The following RGS6 variants were observed in gnomAD, a reference collection of about 807,000 sequenced individuals.
RGS6 encodes regulator of G protein signaling 6.
A neutral mutation model predicts 78.5 loss-of-function variants in RGS6; 30 were observed. That is an observed-to-expected ratio of 0.38 (90% CI 0.29 to 0.52). RGS6 has a LOEUF of 0.52. Among genes scored for constraint, RGS6 ranks in the 20% least tolerant of loss-of-function variants. RGS6 has a pLI of 0.85. For synonymous variants in RGS6, 206 were observed against 206.0 expected, an observed-to-expected ratio of 1.00 and a Z score of 0.00; for missense variants, 495 against 609.7, an observed-to-expected ratio of 0.81 and a Z score of 1.98.
Position 72,431,056 on chromosome 14 carries a change from T to C in RGS6, c.185-23472T>C, listed in dbSNP as rs568549604. On this transcript the variant is annotated intron_variant, in intron 3 of 17. Transcript: ENST00000553525. ...GAATAATGGGTATGCAAGTGTTGCA[T>C]CACACATGCAGCAAACATTTATTAA... Among the ~76,000 whole-genome samples, 512 of 152,276 alleles carry C rather than the reference T, an allele frequency of 3.4e-3. 4 individuals are homozygous for C. The highest frequency in any genetic ancestry group is 0.012 in the African/African-American group (490 of 41,548).
At chr14:72,317,557 G>C (rs1486823347) in intron 2 of RGS6, among the ~76,000 whole-genome samples, 1 of 152,072 alleles carries the variant, frequency 6.6e-6, no homozygotes, top group African/African-American at 2.4e-5. Flanking sequence ...ACATTCTTAG[G>C]GGCTCGAAGG....
At chr14:71,902,668 T>C in the RGS6 span, among the ~76,000 whole-genome samples, 1 of 151,780 alleles carries the variant, frequency 6.6e-6, no homozygotes, top group Admixed American at 6.6e-5. Context: ...GTTAGAGAAA[T>C]AGAAAGAAGA....
chr14:72,275,538 T>C (rs1349145514), intron 2 of RGS6, among the ~76,000 whole-genome samples: 1 of 152,198 alleles, frequency 6.6e-6, no homozygotes, highest in African/African-American at 2.4e-5. Flanking sequence ...TTATGTAGCA[T>C]AGGGAATCAA....
chr14:72,415,301 CA>C (rs2153076435), intron 3 of RGS6, among the ~76,000 whole-genome samples: 1 of 149,296 alleles, frequency 6.7e-6, no homozygotes. Context: ...GCTGTGCTAG[CA>C]ATGAGCGAAG....
intron 2 of RGS6, among the ~76,000 whole-genome samples, chr14:72,331,618 CCTCTCT>C (rs149801430): frequency 7.3e-5 from 11 of 150,130 alleles, no homozygotes; most frequent in African/African-American, 2.7e-4. Context: ...GTGTCATCAT[CCTCTCT>C]CTCTCTCTCT....
At chr14:71,993,528 T>C (rs1595804518) in intron 2 of RGS6, among the ~76,000 whole-genome samples, 2 of 152,226 alleles carry the variant, frequency 1.3e-5, no homozygotes, top group African/African-American at 4.8e-5. Context: ...GTCATAGATA[T>C]TGTTGTTATC....
intron 3 of RGS6, among the ~76,000 whole-genome samples, chr14:72,431,525 ATTTATTTTAT>A (rs56081815): frequency 0.36 from 52,759 of 147,444 alleles, 9,626 homozygotes; most frequent in Admixed American, 0.46. Context: ...ATTTTGTTTT[ATTTATTTTAT>A]TTTATTTTAT....
chr14:72,300,918 G>C (rs1485952236), intron 2 of RGS6, among the ~76,000 whole-genome samples: 5 of 152,180 alleles, frequency 3.3e-5, no homozygotes, highest in East Asian at 3.8e-4. Context: ...TACTAAATGG[G>C]TATTAAATGA....
chr14:72,037,253 G>A (rs2091843186), intron 2 of RGS6, among the ~76,000 whole-genome samples: 1 of 152,192 alleles, frequency 6.6e-6, no homozygotes. Context: ...GCCAGCAGCA[G>A]CAACCTGCTC....
chr14:72,027,871 T>C lies in RGS6; in HGVS notation c.84+62996T>C, dbSNP rs551019442. On this transcript the variant is annotated intron_variant, in intron 2 of 17. Coordinates refer to ENST00000553525, the MANE Select transcript of RGS6 (RefSeq NM_001204424.2). ...ACTGGAATAGGCTTCCTTTTATCTC[T>C]TTTGCACAGTTGTGTCTTCGGTGAG... 9.2e-5 allele frequency among the ~76,000 whole-genome samples: 14 copies of C among 152,338 alleles called. No individual in the cohort carries two copies. In the South Asian group the frequency reaches 2.5e-3, roughly 27 times the overall value.
At chr14:71,965,369 G>A (rs1374280806) in intron 2 of RGS6, among the ~76,000 whole-genome samples, 1 of 152,350 alleles carries the variant, frequency 6.6e-6, no homozygotes, top group East Asian at 1.9e-4. Flanking sequence ...TTCAGAGGAG[G>A]AGGCCAGTTC....
intron 2 of RGS6, among the ~76,000 whole-genome samples, chr14:71,992,599 C>A (rs571335387): frequency 6.6e-6 from 1 of 152,314 alleles, no homozygotes; most frequent in African/African-American, 2.4e-5. Context: ...ATAGAAAACT[C>A]AAAATTTAAA....
At chr14:72,446,231 G>A (rs996595939) in intron 3 of RGS6, among the ~76,000 whole-genome samples, 5 of 152,164 alleles carry the variant, frequency 3.3e-5, no homozygotes, top group African/African-American at 1.2e-4. Flanking sequence ...CTGGATCTTA[G>A]CTGTCTGGCC....
At chr14:72,171,045 T>A (rs762267323) in intron 2 of RGS6, among the ~76,000 whole-genome samples, 2 of 152,182 alleles carry the variant, frequency 1.3e-5, no homozygotes, top group Non-Finnish European at 2.9e-5. Flanking sequence ...GCTTATCGGT[T>A]TAAATTGTGC....
At chr14:72,033,358 C>T (rs566610764) in intron 2 of RGS6, among the ~76,000 whole-genome samples, 67 of 152,174 alleles carry the variant, frequency 4.4e-4, no homozygotes, top group African/African-American at 1.4e-3. Context: ...CTCAACCTCC[C>T]GAGTAGCTGG....
intron 2 of RGS6, among the ~76,000 whole-genome samples, chr14:72,237,795 C>T (rs141516338): frequency 1.3e-5 from 2 of 152,228 alleles, no homozygotes; most frequent in East Asian, 3.9e-4. Context: ...AAGAATGAAC[C>T]CCGTACTGGT....
At chr14:72,103,117 C>T (rs2095560755) in intron 2 of RGS6, among the ~76,000 whole-genome samples, 1 of 152,174 alleles carries the variant, frequency 6.6e-6, no homozygotes, top group African/African-American at 2.4e-5. Flanking sequence ...ATAATGGTAC[C>T]TGTCTCTCAG....
At chr14:72,385,640 C>T (rs2087723373) in intron 3 of RGS6, among the ~76,000 whole-genome samples, 1 of 152,134 alleles carries the variant, frequency 6.6e-6, no homozygotes, top group Non-Finnish European at 1.5e-5. Flanking sequence ...CTGACCTGCC[C>T]TGCCCAGGGA....
intron 2 of RGS6, among the ~76,000 whole-genome samples, chr14:72,347,234 A>G (rs2078229207): frequency 6.6e-6 from 1 of 152,206 alleles, no homozygotes; most frequent in African/African-American, 2.4e-5. Context: ...AAGGAACTGA[A>G]CAGTCAGGAA....
Sources: gnomAD v4.1 joint callset for allele counts (sites outside exome capture counted in the v4.1 genomes callset) on GRCh38, gnomAD v4.1.1 for gene constraint, MANE v1.5 for transcripts, NCBI Gene and HGNC (gene_info 2026-07-23, HGNC 2026-07-21) for gene names.